The following SPTBN1 variants were observed in gnomAD, a reference collection of about 807,000 sequenced individuals.
SPTBN1 encodes spectrin beta chain, non-erythrocytic 1.
In SPTBN1, 32 loss-of-function variants were observed where a neutral mutation model predicts 266.4. That is an observed-to-expected ratio of 0.12 (90% CI 0.09 to 0.16). The LOEUF is 0.16. SPTBN1 is among the 10% of genes least tolerant of loss of function. The pLI is 1.00. For synonymous variants in SPTBN1, 1,336 were observed against 1,162.2 expected, an observed-to-expected ratio of 1.15 and a Z score of -3.04; for missense variants, 2,296 against 3,067.1, an observed-to-expected ratio of 0.75 and a Z score of 5.94.
intron 7 of SPTBN1, among the ~76,000 whole-genome samples, chr2:54,621,005 AG>A (rs2103862888): frequency 6.6e-6 from 1 of 152,258 alleles, no homozygotes; most frequent in South Asian, 2.1e-4. Flanking sequence ...TCCATAAATA[AG>A]GGTCATCCCA....
At chr2:54,565,559 G>T (rs1235363986) in intron 2 of SPTBN1, among the ~76,000 whole-genome samples, 3 of 152,320 alleles carry the variant, frequency 2.0e-5, no homozygotes, top group African/African-American at 7.2e-5. Context: ...AATAGTGTGT[G>T]TAGGCTCTAA....
At chr2:54,479,826 C>T (rs1415399333) in intron 1 of SPTBN1, among the ~76,000 whole-genome samples, 1 of 151,424 alleles carries the variant, frequency 6.6e-6, no homozygotes, top group Non-Finnish European at 1.5e-5. Context: ...AGTTCGCTTT[C>T]TATTATCTTT....
chr2:54,496,060 C>T (rs569488806), intron 1 of SPTBN1, among the ~76,000 whole-genome samples: 27 of 152,136 alleles, frequency 1.8e-4, no homozygotes, highest in African/African-American at 6.5e-4. Context: ...TTCATCTGTG[C>T]TATTCCCAAA....
intron 2 of SPTBN1, among the ~76,000 whole-genome samples, chr2:54,530,423 A>G (rs1165906947): frequency 3.3e-5 from 4 of 122,328 alleles, no homozygotes; most frequent in Non-Finnish European, 4.8e-5. Flanking sequence ...CAGTGGTGCA[A>G]TCTCGGCTCA....
At chr2:54,654,932 G>C in intron 27 of SPTBN1, 138 bp from the exon 28 acceptor site, 2 of 1,237,492 alleles carry the variant, frequency 1.6e-6, no homozygotes, top group Non-Finnish European at 2.2e-6. Flanking sequence ...CCTAAGCTCA[G>C]GGAGTGATTC....
chr2:54,473,515 AGCACACAC>A (rs1241428419), intron 1 of SPTBN1, among the ~76,000 whole-genome samples: 1 of 139,240 alleles, frequency 7.2e-6, no homozygotes, highest in Non-Finnish European at 1.6e-5. Flanking sequence ...TTTTTTTTTA[AGCACACAC>A]GCACACACAT....
chr2:54,529,427 G>C (rs1224384777), intron 2 of SPTBN1: 1 of 705,328 alleles, frequency 1.4e-6, no homozygotes, highest in South Asian at 1.4e-5. Flanking sequence ...CAAGAAGGTA[G>C]TGTTGAAAGG....
At chr2:54,479,728 G>A (rs1380017867) in intron 1 of SPTBN1, among the ~76,000 whole-genome samples, 1 of 152,200 alleles carries the variant, frequency 6.6e-6, no homozygotes, top group African/African-American at 2.4e-5. Context: ...GTTTTGCAAT[G>A]TTGTTTGGCA....
Position 54,662,144 on chromosome 2 carries a change from G to A in SPTBN1, c.6420+2145G>A, listed in dbSNP as rs79136605. On this transcript the variant is annotated intron_variant, in intron 32 of 35. Transcript: ENST00000356805. ...GCCACTAAAGCACTCTGGACTAATC[G>A]CTAAAGAGAAGCAACGTGGGGGGTG... The A allele has an allele frequency of 7.4e-3, 7,333 of 985,282 alleles. 41 individuals carry two copies. The highest frequency in any genetic ancestry group is 8.3e-3 in the Non-Finnish European group (6,881 of 829,920). The allele number at this position is 985,282 out of a possible 1,614,324, so 61.0% of individuals were successfully genotyped here. A position where few individuals can be genotyped will look rare whatever the true frequency, so the allele number is the denominator to read the frequency against.
chr2:54,665,121 G>A (rs905304406), intron 33 of SPTBN1, among the ~76,000 whole-genome samples: 1 of 152,128 alleles, frequency 6.6e-6, no homozygotes, highest in Admixed American at 6.5e-5. Context: ...TAACAGATGG[G>A]GAACAGAGGC....
At chr2:54,465,702 T>C (rs1693603130) in intron 1 of SPTBN1, among the ~76,000 whole-genome samples, 1 of 143,830 alleles carries the variant, frequency 7.0e-6, no homozygotes, top group Admixed American at 7.3e-5. Flanking sequence ...GTGTGTTTGA[T>C]TGAGTAATCT....
At chr2:54,641,855 C>A (rs369859050) in intron 18 of SPTBN1, among the ~76,000 whole-genome samples, 3 of 152,144 alleles carry the variant, frequency 2.0e-5, no homozygotes, top group African/African-American at 7.2e-5. Flanking sequence ...AGTGGAAGGG[C>A]CTTGGAAGTG....
intron 2 of SPTBN1, among the ~76,000 whole-genome samples, chr2:54,559,065 G>T (rs1220295798): frequency 1.3e-5 from 2 of 152,184 alleles, no homozygotes; most frequent in African/African-American, 2.4e-5. Context: ...CACTCCAGAA[G>T]AGCTACCATT....
chr2:54,493,340 T>A (rs6743400), intron 1 of SPTBN1, among the ~76,000 whole-genome samples: 4,787 of 151,418 alleles, frequency 0.032, 282 homozygotes, highest in African/African-American at 0.11. Flanking sequence ...AGTTTTCTTA[T>A]AATTTCCTTC....
At chr2:54,539,338 T>A (rs1276957336) in intron 2 of SPTBN1, among the ~76,000 whole-genome samples, 1 of 152,218 alleles carries the variant, frequency 6.6e-6, no homozygotes, top group Non-Finnish European at 1.5e-5. Context: ...TATTAAAGAT[T>A]TCTTTGTGTT....
intron 2 of SPTBN1, among the ~76,000 whole-genome samples, chr2:54,574,628 G>T (rs895920016): frequency 2.0e-5 from 3 of 152,174 alleles, no homozygotes; most frequent in Admixed American, 2.0e-4. Flanking sequence ...GAGTCACAGG[G>T]TGCAGGCCTG....
intron 2 of SPTBN1, among the ~76,000 whole-genome samples, chr2:54,538,476 G>A (rs1671746655): frequency 6.6e-6 from 1 of 152,236 alleles, no homozygotes. Context: ...TAGACAATGT[G>A]TATAAAACAA....
chr2:54,504,075 A>G (rs1669423716), intron 1 of SPTBN1, among the ~76,000 whole-genome samples: 1 of 152,210 alleles, frequency 6.6e-6, no homozygotes, highest in South Asian at 2.1e-4. Flanking sequence ...TTTTAAGTGC[A>G]CTGGGTGGGA....
Position 54,580,534 on chromosome 2 carries a change from G to A in SPTBN1, c.149-18558G>A, listed in dbSNP as rs552654451. Among the ~76,000 whole-genome samples the A allele has an allele frequency of 1.5e-3, 230 of 151,712 alleles. 1 individual carries two copies. The highest frequency in any genetic ancestry group is 5.1e-3 in the Admixed American group (78 of 15,242). On this transcript the variant is annotated intron_variant, in intron 2 of 35. Transcript: ENST00000356805. ...AAGACCACTAGTATTGCCATTAGCT[G>A]CTTATTTGTGTGTGTGTTGGAGGAT...
Sources: allele counts gnomAD v4.1 joint callset (sites outside exome capture counted in the v4.1 genomes callset), GRCh38; gene constraint gnomAD v4.1.1; transcripts MANE v1.5; gene names NCBI Gene and HGNC (gene_info 2026-07-23, HGNC 2026-07-21).